Variants in TNFRSF21 observed in about 807,000 individuals in gnomAD.
TNFRSF21 encodes TNF receptor superfamily member 21, also known as tumor necrosis factor receptor superfamily member 21.
TNFRSF21 carries 19 observed loss-of-function variants against 45.6 expected under a neutral mutation model. The observed-to-expected ratio is 0.42, with a 90% CI of 0.29 to 0.61. TNFRSF21 has a LOEUF of 0.61. Ranked by LOEUF, TNFRSF21 falls within the 20% of genes least tolerant of loss-of-function variation. TNFRSF21 has a pLI of 0.23. For missense variants in TNFRSF21, 737 were observed against 851.5 expected, an observed-to-expected ratio of 0.87 and a Z score of 1.67; for synonymous variants, 314 against 335.5, an observed-to-expected ratio of 0.94 and a Z score of 0.70.
intron 5 of TNFRSF21, 123 bp from the exon 6 acceptor site, chr6:47,233,117 T>C: frequency 1.2e-6 from 1 of 807,428 alleles, no homozygotes; most frequent in Non-Finnish European, 2.0e-6. Flanking sequence ...TTATTCTCCA[T>C]CCTCCATTAC....
At chr6:47,267,461 T>C (rs1322003374) in intron 3 of TNFRSF21, among the ~76,000 whole-genome samples, 2 of 152,146 alleles carry the variant, frequency 1.3e-5, no homozygotes, top group Non-Finnish European at 2.9e-5. Flanking sequence ...CATTTTATAG[T>C]CAAAGTTCCT....
At chr6:47,283,862 A>C in intron 3 of TNFRSF21, 76 bp downstream of exon 3, 1 of 1,539,180 alleles carries the variant, frequency 6.5e-7, no homozygotes, top group Admixed American at 2.0e-5. Context: ...ACGCATTCCC[A>C]TTCCTTCAGA....
At chr6:47,305,677 A>G (rs2295257) in intron 1 of TNFRSF21, among the ~76,000 whole-genome samples, 14,679 of 152,272 alleles carry the variant, frequency 0.096, 918 homozygotes, top group East Asian at 0.15. Flanking sequence ...GAAAAACACT[A>G]TTACTTGGCA....
intron 2 of TNFRSF21, among the ~76,000 whole-genome samples, chr6:47,284,692 C>T (rs1219971395): frequency 6.6e-6 from 1 of 152,228 alleles, no homozygotes; most frequent in Non-Finnish European, 1.5e-5. Flanking sequence ...AACAGCTGAG[C>T]TTGACAGCAG....
intron 1 of TNFRSF21, among the ~76,000 whole-genome samples, chr6:47,296,623 C>A (rs1484729448): frequency 6.6e-6 from 1 of 152,128 alleles, no homozygotes; most frequent in Non-Finnish European, 1.5e-5. Context: ...TCACCAATGG[C>A]CAGTGATATA....
At chr6:47,298,664 C>G (rs1261058327) in intron 1 of TNFRSF21, among the ~76,000 whole-genome samples, 1 of 152,164 alleles carries the variant, frequency 6.6e-6, no homozygotes, top group African/African-American at 2.4e-5. Context: ...CACACCCAAC[C>G]TCTTAGGTAT....
chr6:47,266,575 T>C (rs1005851993), intron 3 of TNFRSF21, among the ~76,000 whole-genome samples: 1 of 152,208 alleles, frequency 6.6e-6, no homozygotes, highest in Non-Finnish European at 1.5e-5. Context: ...GCAGCGTTAT[T>C]TCCCCAAAGA....
rs1419727348 is a variant in TNFRSF21 at position 47,301,467 on chromosome 6, T to C, written c.96+7949A>G. Among the ~76,000 whole-genome samples, 4 of 152,338 alleles carry C rather than the reference T, an allele frequency of 2.6e-5. No individual in the cohort carries two copies. The South Asian group carries it at 8.3e-4, about 32-fold the overall frequency. On this transcript the variant is annotated intron_variant, in intron 1 of 5. Transcript: ENST00000296861. ...TCTACACATAAAAGAATAGCAAAGA[T>C]TGAATCATGATATAGTTAGGATGTA...
At chr6:47,282,096 AC>A (rs1762575195) in intron 3 of TNFRSF21, among the ~76,000 whole-genome samples, 1 of 152,168 alleles carries the variant, frequency 6.6e-6, no homozygotes, top group East Asian at 1.9e-4. Flanking sequence ...AAAAAAACAA[AC>A]AAAAAACGCT....
chr6:47,286,410 C>A lies in TNFRSF21; in HGVS notation c.282G>T (p.Gly94=). Residue 94 remains glycine, a synonymous_variant, in exon 2 of 6, where the codon GGG becomes GGT. Transcript: ENST00000296861. ...TGCCATTCTCATGCCTGGTAAAGGT[C>A]CCCACAGGGCAACTGCTGCAGACGC... The part of the protein sequence containing the change: ...SLRVCSSCPV[G]TFTRHENGIE... 2 of 1,614,220 alleles carry A rather than the reference C, an allele frequency of 1.2e-6. No individual in the cohort carries two copies. The highest frequency in any genetic ancestry group is 1.7e-6 in the Non-Finnish European group (2 of 1,180,038).
chr6:47,234,196 C>CT (rs1009766877), intron 5 of TNFRSF21, among the ~76,000 whole-genome samples: 5 of 152,058 alleles, frequency 3.3e-5, no homozygotes, highest in Non-Finnish European at 2.9e-5. Context: ...AGGCTCATCT[C>CT]TAACTCCTGG....
intron 1 of TNFRSF21, 142 bp downstream of exon 1, chr6:47,309,274 T>C (rs1172485300): frequency 3.3e-6 from 4 of 1,230,622 alleles, no homozygotes; most frequent in Admixed American, 3.5e-5. Flanking sequence ...TTGCCTTCCC[T>C]TGGAAACCCC....
At position 47,286,516 on chromosome 6, in the gene TNFRSF21, C is replaced by A; in HGVS notation, c.176G>T (p.Arg59Leu). ...NLIGTYRHVD[R>L]ATGQVLTCDK... ...ACAGGTTAGCACCTGGCCGGTGGCACGGTCAACATGGCGGTATGTGCCAAT... is the reference window on the plus strand; with the variant it reads ...ACAGGTTAGCACCTGGCCGGTGGCAAGGTCAACATGGCGGTATGTGCCAAT... Residue 59 changes from arginine to leucine, a missense_variant, in exon 2 of 6, where the codon CGT (arginine) becomes CTT (leucine). Physicochemically the swap from Arg to Leu is moderately radical, Grantham distance 102. Transcript: ENST00000296861. 1 of 1,614,138 alleles carries A rather than the reference C, an allele frequency of 6.2e-7. No individual in the cohort carries two copies. The highest frequency in any genetic ancestry group is 8.5e-7 in the Non-Finnish European group (1 of 1,179,992).
intron 1 of TNFRSF21, among the ~76,000 whole-genome samples, chr6:47,296,727 G>A (rs933125500): frequency 2.0e-5 from 3 of 152,234 alleles, no homozygotes; most frequent in African/African-American, 7.2e-5. Context: ...GAGATTCCTG[G>A]AGGATGGGGA....
intron 2 of TNFRSF21, among the ~76,000 whole-genome samples, chr6:47,284,813 T>C (rs1026249772): frequency 2.6e-5 from 4 of 152,212 alleles, no homozygotes; most frequent in African/African-American, 9.6e-5. Context: ...TTGTCCATCC[T>C]CCTTCTCCCA....
At chr6:47,287,305 C>T (rs1315296082) in intron 1 of TNFRSF21, among the ~76,000 whole-genome samples, 1 of 67,442 alleles carries the variant, frequency 1.5e-5, no homozygotes, top group Non-Finnish European at 2.5e-5. Flanking sequence ...GAAACTCTTT[C>T]TCAAAAAAAA....
intron 3 of TNFRSF21, 115 bp from the exon 4 acceptor site, chr6:47,253,636 G>T: frequency 7.8e-7 from 1 of 1,278,720 alleles, no homozygotes. Context: ...ATCGCTGTAT[G>T]TCAAAGGAAT....
At position 47,246,116 on chromosome 6, in the gene TNFRSF21, T is replaced by A. The variant is rs566699444; in HGVS notation, c.1509+7140A>T. On this transcript the variant is annotated intron_variant, in intron 4 of 5. Transcript: ENST00000296861. ...GACACAGACCCAAACCATATCACTA[T>A]CTTAATGAGAATATACCCACCTATA... Among the ~76,000 whole-genome samples, 6 of 152,286 alleles carry A rather than the reference T, an allele frequency of 3.9e-5. No individual in the cohort carries two copies. The South Asian group carries it at 1.0e-3, about 26-fold the overall frequency.
At chr6:47,271,840 GCA>G (rs1491581786) in intron 3 of TNFRSF21, among the ~76,000 whole-genome samples, 2 of 150,512 alleles carry the variant, frequency 1.3e-5, no homozygotes, top group African/African-American at 2.4e-5. Flanking sequence ...CAAATGGAAA[GCA>G]AAAAAAAAGT....
Sources: gnomAD v4.1 joint callset for allele counts (sites outside exome capture counted in the v4.1 genomes callset) on GRCh38, gnomAD v4.1.1 for gene constraint, MANE v1.5 for transcripts, NCBI Gene and HGNC (gene_info 2026-07-23, HGNC 2026-07-21) for gene names.